Variants in HDAC4 observed in about 807,000 individuals in gnomAD.
HDAC4 encodes histone deacetylase A.
In HDAC4, 16 loss-of-function variants were observed where a neutral mutation model predicts 135.1. That is an observed-to-expected ratio of 0.12 (90% CI 0.08 to 0.18). HDAC4 has a LOEUF of 0.18. HDAC4 is among the 10% of genes least tolerant of loss of function. The pLI is 1.00. For missense variants in HDAC4, 1,143 were observed against 1,511.8 expected (o/e 0.76, Z 4.05); for synonymous variants, 685 against 653.4 (o/e 1.05, Z -0.74).
At chr2:239,169,358 G>A (rs925912088) in intron 5 of HDAC4, among the ~76,000 whole-genome samples, 5 of 152,348 alleles carry the variant, frequency 3.3e-5, no homozygotes, top group Non-Finnish European at 5.9e-5. Flanking sequence ...TGGGTCCCAC[G>A]CACGCCTCCT....
chr2:239,367,977 C>A (rs1419441725), intron 1 of HDAC4, among the ~76,000 whole-genome samples: 1 of 151,910 alleles, frequency 6.6e-6, no homozygotes, highest in Non-Finnish European at 1.5e-5. Context: ...GACTCCGTCT[C>A]AAAATAAATA....
At chr2:239,062,213 C>A (rs988060120) in intron 24 of HDAC4, among the ~76,000 whole-genome samples, 1 of 152,270 alleles carries the variant, frequency 6.6e-6, no homozygotes, top group African/African-American at 2.4e-5. Flanking sequence ...TCCAGACCTA[C>A]GCGCTGAAGA....
At chr2:239,073,971 G>A (rs974418975) in intron 22 of HDAC4, among the ~76,000 whole-genome samples, 20 of 151,004 alleles carry the variant, frequency 1.3e-4, no homozygotes, top group Non-Finnish European at 2.4e-4. Context: ...ACTGAGGGGG[G>A]CCGCAGGACT....
At chr2:239,315,735 C>A (rs1247200542) in intron 2 of HDAC4, among the ~76,000 whole-genome samples, 1 of 152,170 alleles carries the variant, frequency 6.6e-6, no homozygotes, top group African/African-American at 2.4e-5. Flanking sequence ...CCAAACCTAA[C>A]ACCATACACA....
At chr2:239,230,142 C>T (rs1488013239) in intron 3 of HDAC4, among the ~76,000 whole-genome samples, 3 of 152,162 alleles carry the variant, frequency 2.0e-5, no homozygotes, top group South Asian at 2.1e-4. Context: ...TGGGCCTGAA[C>T]GCCAAAAGGA....
At chr2:239,387,609 G>A (rs1695909678) in intron 1 of HDAC4, among the ~76,000 whole-genome samples, 1 of 152,206 alleles carries the variant, frequency 6.6e-6, no homozygotes, top group African/African-American at 2.4e-5. Flanking sequence ...CCAGCTGACA[G>A]GGACAATACG....
At chr2:239,264,091 G>T (rs921961169) in intron 2 of HDAC4, among the ~76,000 whole-genome samples, 2 of 152,164 alleles carry the variant, frequency 1.3e-5, no homozygotes, top group African/African-American at 4.8e-5. Flanking sequence ...AAAGGAGGGG[G>T]CTGACTTTCC....
chr2:239,176,603 C>T, intron 4 of HDAC4, 40 bp from the exon 5 acceptor site: 2 of 1,589,492 alleles, frequency 1.3e-6, no homozygotes, highest in Non-Finnish European at 1.7e-6. Flanking sequence ...AGAGCCCAGG[C>T]TCCACACACA....
chr2:239,163,702 G>T, intron 6 of HDAC4, 101 bp downstream of exon 6: 1 of 1,226,836 alleles, frequency 8.2e-7, no homozygotes, highest in Non-Finnish European at 1.2e-6. Flanking sequence ...CTCCTTCCCT[G>T]CCTCCGGTGA....
rs79954008 is a variant in HDAC4 at position 239,224,889 on chromosome 2, C to T, written c.94+11704G>A. Among the ~76,000 whole-genome samples, 978 of 152,302 alleles carry T rather than the reference C, an allele frequency of 6.4e-3. 22 individuals carry two copies. In the East Asian group the frequency reaches 0.072, roughly 11 times the overall value. ...TTGTAGGTAATTTACAATCAATAAG[C>T]TGGAATTAATGAGCATATTTAGAAT... On this transcript the variant is annotated intron_variant, in intron 3 of 26. Transcript: ENST00000543185.
rs1318492036 is a variant in HDAC4, at chr2:239,048,776, T to A, written c.*4321A>T. On this transcript the variant is annotated 3_prime_UTR_variant, in exon 27 of 27. Transcript: ENST00000543185. ...GCTCAGCTTCGTTACAATGAAGAAA[T>A]GGTTTCCTTTCGATGCAAAGTATAA... 1.3e-5 allele frequency: 2 copies of A among 152,248 alleles called. No homozygotes were observed. Among genetic ancestry groups the A allele is most frequent in the Admixed American group, 1.3e-4 (2 of 15,286 alleles). The allele number at this position is 152,248 out of a possible 1,614,324, so 9.4% of individuals were successfully genotyped here.
At chr2:239,380,874 G>C (rs1372053863) in intron 1 of HDAC4, among the ~76,000 whole-genome samples, 1 of 152,076 alleles carries the variant, frequency 6.6e-6, no homozygotes, top group East Asian at 1.9e-4. Context: ...AGAAAACGAG[G>C]GATGCCCGGT....
intron 7 of HDAC4, among the ~76,000 whole-genome samples, chr2:239,145,678 T>G (rs1373698466): frequency 1.2e-4 from 18 of 152,230 alleles, no homozygotes; most frequent in Non-Finnish European, 1.5e-5. Flanking sequence ...TTCAAGATTC[T>G]ACCACTTGGA....
Position 239,139,511 on chromosome 2 carries a change from C to A in HDAC4, c.978+173G>T, listed in dbSNP as rs569459603. Among the ~76,000 whole-genome samples the A allele has an allele frequency of 2.0e-5, 3 of 152,348 alleles. No individual in the cohort carries two copies. In the East Asian group the frequency reaches 5.8e-4, roughly 29 times the overall value. Reference sequence around the variant, plus strand: ...GGAGATGTCTGTGATGAGAGGAAGGCAGGAGAGTAACCTCCAACTGCGTCC... The same window carrying A: ...GGAGATGTCTGTGATGAGAGGAAGGAAGGAGAGTAACCTCCAACTGCGTCC... On this transcript the variant is annotated intron_variant, in intron 9 of 26. Transcript: ENST00000543185. This position sits in a 1 kb window ranked among gnomAD's most constrained non-coding sequence, Gnocchi z 5.3.
At chr2:239,108,514 G>A (rs1358902590) in intron 14 of HDAC4, among the ~76,000 whole-genome samples, 1 of 152,186 alleles carries the variant, frequency 6.6e-6, no homozygotes, top group Non-Finnish European at 1.5e-5. Flanking sequence ...TGCCCTGGGT[G>A]GCTGGACCTT....
At chr2:239,348,784 C>T (rs2125907729) in intron 2 of HDAC4, among the ~76,000 whole-genome samples, 1 of 152,352 alleles carries the variant, frequency 6.6e-6, no homozygotes. Flanking sequence ...TAAGTCAATC[C>T]AGGTTCTTCC....
At chr2:239,316,040 G>C (rs1161905707) in intron 2 of HDAC4, among the ~76,000 whole-genome samples, 1 of 152,096 alleles carries the variant, frequency 6.6e-6, no homozygotes, top group Non-Finnish European at 1.5e-5. Flanking sequence ...CAAACTGTGT[G>C]AACAGAGACC....
At chr2:239,305,201 G>C (rs1575660624) in intron 2 of HDAC4, among the ~76,000 whole-genome samples, 2 of 152,252 alleles carry the variant, frequency 1.3e-5, no homozygotes, top group African/African-American at 2.4e-5. Flanking sequence ...GATTGCTGCT[G>C]TGTTTTCTAA....
Position 239,139,511 on chromosome 2 carries a change from C to T in HDAC4, c.978+173G>A, listed in dbSNP as rs569459603. Among the ~76,000 whole-genome samples the T allele has an allele frequency of 3.3e-5, 5 of 152,230 alleles. No individual in the cohort carries two copies. Among genetic ancestry groups the T allele is most frequent in the African/African-American group, 1.2e-4 (5 of 41,458 alleles). ...GGAGATGTCTGTGATGAGAGGAAGG[C>T]AGGAGAGTAACCTCCAACTGCGTCC... On this transcript the variant is annotated intron_variant, in intron 9 of 26. Transcript: ENST00000543185. This position sits in a 1 kb window ranked among gnomAD's most constrained non-coding sequence, Gnocchi z 5.3.
Sources: allele counts gnomAD v4.1 joint callset (sites outside exome capture counted in the v4.1 genomes callset), GRCh38; gene constraint gnomAD v4.1.1; non-coding constraint Gnocchi (gnomAD v3.1); transcripts MANE v1.5; gene names NCBI Gene and HGNC (gene_info 2026-07-23, HGNC 2026-07-21).